The following ESYT3 variants were observed in gnomAD, a reference collection of about 807,000 sequenced individuals.
ESYT3 encodes the protein extended synaptotagmin 3, also known as extended synaptotagmin-3.
ESYT3 carries 101 observed loss-of-function variants against 111.5 expected under a neutral mutation model. The observed-to-expected ratio is 0.91, with a 90% CI of 0.77 to 1.07. ESYT3 has a LOEUF of 1.07. ESYT3 is among the 50% of genes least tolerant of loss of function. The pLI, the probability that ESYT3 is intolerant of heterozygous loss-of-function variation, is 0.00. For missense variants in ESYT3, 1,097 were observed against 1,109.4 expected, an observed-to-expected ratio of 0.99 and a Z score of 0.16; for synonymous variants, 416 against 446.8, an observed-to-expected ratio of 0.93 and a Z score of 0.87.
Position 138,472,867 on chromosome 3 carries a change from C to T in ESYT3, c.2237+8C>T. On this transcript the variant is annotated splice_region_variant and intron_variant, in intron 18 of 22. Transcript: ENST00000389567. Reference sequence around the variant, plus strand: ...TATCAGCCTCAACATTGAGTATGCACCTCTCTGCTTAATCTTTTCTAAAAT... The same window carrying T: ...TATCAGCCTCAACATTGAGTATGCATCTCTCTGCTTAATCTTTTCTAAAAT... The T allele has an allele frequency of 6.2e-7, 1 of 1,609,046 alleles. No homozygotes were observed. The highest frequency in any genetic ancestry group is 1.1e-5 in the South Asian group (1 of 90,370).
intron 1 of ESYT3, among the ~76,000 whole-genome samples, chr3:138,442,267 A>G (rs1720832): frequency 0.064 from 9,690 of 152,228 alleles, 877 homozygotes; most frequent in East Asian, 0.36. Flanking sequence ...TAGAAAATAT[A>G]TGAAAACAGT....
intron 1 of ESYT3, among the ~76,000 whole-genome samples, chr3:138,448,266 T>TTA (rs1261236139): frequency 9.0e-5 from 4 of 44,592 alleles, no homozygotes; most frequent in African/African-American, 3.6e-4. Flanking sequence ...AAACTCGATC[T>TTA]AAAAAAAAAA....
intron 11 of ESYT3, 147 bp downstream of exon 11, chr3:138,467,756 G>A: frequency 1.4e-6 from 1 of 732,924 alleles, no homozygotes; most frequent in Non-Finnish European, 2.3e-6. Flanking sequence ...GCTGGGTGAG[G>A]CACAGATGGC....
rs2033594128 is a variant in ESYT3, at chr3:138,478,672, T to C, written c.*1818T>C. 6.6e-6 allele frequency: 1 copy of C among 152,164 alleles called. No individual in the cohort carries two copies. The highest frequency in any genetic ancestry group is 6.5e-5 in the Admixed American group (1 of 15,272). The allele number at this position is 152,164 out of a possible 1,614,324, so 9.4% of individuals were successfully genotyped here. A position where few individuals can be genotyped will look rare whatever the true frequency, so the allele number is the denominator to read the frequency against. ...GGCAACACAGGTAAATACCTGGTGA[T>C]GGTCTGAAGAGGAGTTAAAATGTTG... On this transcript the variant is annotated 3_prime_UTR_variant, in exon 23 of 23. Transcript: ENST00000389567.
chr3:138,472,328 C>G (rs747407578), intron 17 of ESYT3, 35 bp from the exon 18 acceptor site: 2 of 1,594,700 alleles, frequency 1.3e-6, no homozygotes, highest in African/African-American at 2.7e-5. Context: ...GAAGTGGTGA[C>G]TCAGCTCATA....
At position 138,472,618 on chromosome 3, in the gene ESYT3, C is replaced by T; in HGVS notation, c.1996C>T (p.Pro666Ser). 4 of 1,614,232 alleles carry T rather than the reference C, an allele frequency of 2.5e-6. No homozygotes were observed. The highest frequency in any genetic ancestry group is 3.4e-6 in the Non-Finnish European group (4 of 1,180,044). The part of the protein sequence containing the change: ...EPTSQETGPE[P>S]KGKDSAKRFC... ...CACATCCCAAGAGACAGGCCCAGAG[C>T]CTAAAGGCAAGGACAGTGCCAAAAG... Residue 666 changes from proline (P) to serine (S), a missense_variant, in exon 18 of 23, where the codon CCT (proline) becomes TCT (serine). Pro to Ser is a moderately conservative substitution (Grantham distance 74). Coordinates refer to ENST00000389567, the MANE Select transcript of ESYT3 (RefSeq NM_031913.5).
rs10513053 is a variant in ESYT3 at position 138,435,521 on chromosome 3, C to T, written c.327+396C>T. ...GTTGATTCAGAGAACGAACGCCGGA[C>T]GCAAAACGTAGATGGGCAAATACCG... is the stretch of plus-strand genomic sequence containing the variant. On this transcript the variant is annotated intron_variant, in intron 1 of 22. Coordinates refer to ENST00000389567, the MANE Select transcript of ESYT3 (RefSeq NM_031913.5). This position sits in a 1 kb window ranked among gnomAD's most constrained non-coding sequence, Gnocchi z 4.8. Among the ~76,000 whole-genome samples the T allele has an allele frequency of 0.049, 7,473 of 152,314 alleles. 195 individuals carry two copies. Among genetic ancestry groups the T allele is most frequent in the South Asian group, 0.066 (319 of 4,832 alleles).
chr3:138,478,310 CAAGACCGTGTTAAGTACATAG>C lies in ESYT3; in HGVS notation c.*1461_*1481del. The C allele has an allele frequency of 6.6e-6, 1 of 152,110 alleles. No individual in the cohort carries two copies. Among genetic ancestry groups the C allele is most frequent in the Non-Finnish European group, 1.5e-5 (1 of 68,008 alleles). 9.4% of individuals were successfully genotyped at this position (152,110 alleles called of 1,614,324 possible). ...TGAATTGTTTTTCACCCTCACCATC[CAAGACCGTGTTAAGTACATAG>C]AAGATGCATGGTGAAATTCGTTTCT... On this transcript the variant is annotated 3_prime_UTR_variant, in exon 23 of 23. Coordinates refer to ENST00000389567, the MANE Select transcript of ESYT3 (RefSeq NM_031913.5).
At chr3:138,465,862 T>TA (rs1456207702) in intron 10 of ESYT3, among the ~76,000 whole-genome samples, 1 of 152,158 alleles carries the variant, frequency 6.6e-6, no homozygotes, top group Non-Finnish European at 1.5e-5. Flanking sequence ...ATTTAAAACT[T>TA]ACATGTATTT....
rs548892913 is a variant in ESYT3, at chr3:138,469,269, C to G, written c.1435-167C>G. On this transcript the variant is annotated intron_variant, in intron 14 of 22. Coordinates refer to ENST00000389567, the MANE Select transcript of ESYT3 (RefSeq NM_031913.5). The stretch of plus-strand genomic sequence containing the variant: ...GGTTGGTCCTGTCCTGGGGCTCGCA[C>G]AGTAATGACAGCCCAGGGGGACTGG... The G allele has an allele frequency of 3.8e-4, 243 of 639,622 alleles. 1 individual carries two copies. The African/African-American group carries it at 4.1e-3, about 11-fold the overall frequency. The allele number at this position is 639,622 out of a possible 1,614,324, so 39.6% of individuals were successfully genotyped here. A position where few individuals can be genotyped will look rare whatever the true frequency, so the allele number is the denominator to read the frequency against.
At position 138,476,803 on chromosome 3, in the gene ESYT3, G is replaced by C. The variant is rs757923076; in HGVS notation, c.2625-15G>C. On this transcript the variant is annotated splice_polypyrimidine_tract_variant and intron_variant, in intron 22 of 22. Coordinates refer to ENST00000389567, the MANE Select transcript of ESYT3 (RefSeq NM_031913.5). Reference sequence around the variant, plus strand: ...GTCATTACTAACGTTAAGTCCAAACGTAACTGTCTTACAGGTATGAGCTGA... The same window carrying C: ...GTCATTACTAACGTTAAGTCCAAACCTAACTGTCTTACAGGTATGAGCTGA... 6.2e-7 allele frequency: 1 copy of C among 1,613,440 alleles called. No individual in the cohort carries two copies. The highest frequency in any genetic ancestry group is 1.1e-5 in the South Asian group (1 of 91,042).
intron 1 of ESYT3, among the ~76,000 whole-genome samples, chr3:138,437,307 C>T (rs751279326): frequency 6.6e-6 from 1 of 152,148 alleles, no homozygotes; most frequent in Admixed American, 6.5e-5. Context: ...ATATTGTCCC[C>T]GAATCACAGC....
Position 138,460,046 on chromosome 3 carries a change from G to C in ESYT3, c.738+12G>C. On this transcript the variant is annotated intron_variant, in intron 6 of 22. Coordinates refer to ENST00000389567, the MANE Select transcript of ESYT3 (RefSeq NM_031913.5). ...TCCTTCAGAAGCCGGTGAGTCCCAA[G>C]GACTGCGGTAAGCCTGCTGCTCCCT... 1 of 1,613,264 alleles carries C rather than the reference G, an allele frequency of 6.2e-7. No homozygotes were observed. Among genetic ancestry groups the C allele is most frequent in the South Asian group, 1.1e-5 (1 of 91,056 alleles).
chr3:138,476,062 GTAA>G (rs1306743331), intron 20 of ESYT3, among the ~76,000 whole-genome samples, 158 bp from the exon 21 acceptor site: 1 of 152,216 alleles, frequency 6.6e-6, no homozygotes, highest in Admixed American at 6.5e-5. Flanking sequence ...GTGATTATTT[GTAA>G]TAATGATACA....
chr3:138,468,647 G>T lies in ESYT3; in HGVS notation c.1309-8G>T. On this transcript the variant is annotated splice_region_variant and splice_polypyrimidine_tract_variant and intron_variant, in intron 12 of 22. Coordinates refer to ENST00000389567, the MANE Select transcript of ESYT3 (RefSeq NM_031913.5). ...GAGTACCCAGTGAGGGTCTGTGTCT[G>T]TTTGCAGGACCATGGTGGCCTTTCC... 1 of 1,614,064 alleles carries T rather than the reference G, an allele frequency of 6.2e-7. No homozygotes were observed. Among genetic ancestry groups the T allele is most frequent in the Non-Finnish European group, 8.5e-7 (1 of 1,179,978 alleles).
At chr3:138,455,785 T>G (rs2032241592) in intron 3 of ESYT3, among the ~76,000 whole-genome samples, 1 of 152,216 alleles carries the variant, frequency 6.6e-6, no homozygotes, top group African/African-American at 2.4e-5. Flanking sequence ...AAGTCCATGC[T>G]AGTTCTGTGA....
chr3:138,465,788 G>A (rs1425577392), intron 10 of ESYT3, among the ~76,000 whole-genome samples: 3 of 152,192 alleles, frequency 2.0e-5, no homozygotes, highest in African/African-American at 7.2e-5. Context: ...GCTCTAGGGG[G>A]TAGAACCCAG....
rs751082702 is a variant in ESYT3 at position 138,471,037 on chromosome 3, C to T, written c.1740+11C>T. On this transcript the variant is annotated intron_variant, in intron 17 of 22. Transcript: ENST00000389567. ...AGGCTGGTGCTTCGGGTAAATCTCT[C>T]CGGTCCCCTGGGGGAGGGGAGGAAT... The T allele has an allele frequency of 1.2e-6, 2 of 1,610,270 alleles. No homozygotes were observed. The highest frequency in any genetic ancestry group is 1.7e-6 in the Non-Finnish European group (2 of 1,177,188).
chr3:138,455,628 G>T (rs550660334), intron 3 of ESYT3, among the ~76,000 whole-genome samples: 1 of 152,208 alleles, frequency 6.6e-6, no homozygotes. Context: ...TTGAAGACAC[G>T]CCATGGTGGT....
Sources: gnomAD v4.1 joint callset for allele counts (sites outside exome capture counted in the v4.1 genomes callset) on GRCh38, gnomAD v4.1.1 for gene constraint, Gnocchi (gnomAD v3.1) non-coding constraint, MANE v1.5 for transcripts, NCBI Gene and HGNC (gene_info 2026-07-23, HGNC 2026-07-21) for gene names.